The following EYS variants were observed in gnomAD, a reference collection of about 807,000 sequenced individuals.
EYS encodes the protein protein eyes shut homolog.
A neutral mutation model predicts 282.1 loss-of-function variants in EYS; 250 were observed. The observed-to-expected ratio is 0.89, with a 90% CI of 0.80 to 0.98. EYS has a LOEUF of 0.98. Among genes scored for constraint, EYS ranks in the 50% least tolerant of loss-of-function variants. EYS has a pLI of 0.00. For synonymous variants in EYS, 1,355 were observed against 1,282.9 expected (o/e 1.06, Z -1.20); for missense variants, 4,016 against 3,709.0 (o/e 1.08, Z -2.15).
chr6:64,511,286 T>C (rs1307685030), intron 26 of EYS, among the ~76,000 whole-genome samples: 2 of 148,836 alleles, frequency 1.3e-5, no homozygotes, highest in Non-Finnish European at 3.0e-5. Flanking sequence ...ATATGATATA[T>C]ATGTTTATAT....
chr6:64,038,963 T>C (rs1770257584), intron 33 of EYS, among the ~76,000 whole-genome samples: 1 of 152,066 alleles, frequency 6.6e-6, no homozygotes, highest in Non-Finnish European at 1.5e-5. Context: ...TACAACCGTG[T>C]ATGGCTAATT....
intron 14 of EYS, among the ~76,000 whole-genome samples, chr6:64,958,366 A>G (rs1321132639): frequency 1.3e-5 from 2 of 152,050 alleles, no homozygotes; most frequent in Non-Finnish European, 2.9e-5. Flanking sequence ...TGGGTGACAG[A>G]GTGAGACTCC....
In EYS at chr6:64,224,785, C is replaced by A. The variant is rs151203020; in HGVS notation, c.6424+5807G>T. Among the ~76,000 whole-genome samples the A allele has an allele frequency of 5.1e-3, 775 of 151,366 alleles. 8 individuals are homozygous for A. Among genetic ancestry groups the A allele is most frequent in the African/African-American group, 0.018 (742 of 41,324 alleles). On this transcript the variant is annotated intron_variant, in intron 31 of 42. Coordinates refer to ENST00000503581, the MANE Select transcript of EYS (RefSeq NM_001142800.2). ...ATAAATGGACATAAAAGACAGAAATCCAGGGAGAAAAAAAATGTGCACACA... is the reference window on the plus strand; with the variant it reads ...ATAAATGGACATAAAAGACAGAAATACAGGGAGAAAAAAAATGTGCACACA...
At chr6:65,586,742 A>T (rs1033235023) in intron 2 of EYS, among the ~76,000 whole-genome samples, 5 of 152,110 alleles carry the variant, frequency 3.3e-5, no homozygotes, top group Non-Finnish European at 7.4e-5. Flanking sequence ...TAAAGTAAAA[A>T]ATAAACCCAT....
intron 26 of EYS, among the ~76,000 whole-genome samples, chr6:64,554,855 C>G (rs193009899): frequency 1.4e-4 from 22 of 151,926 alleles, no homozygotes; most frequent in Admixed American, 3.3e-4. Flanking sequence ...TGGCTACTAT[C>G]AAAAAGACAA....
At chr6:64,485,541 G>A (rs953175134) in intron 26 of EYS, among the ~76,000 whole-genome samples, 1 of 151,530 alleles carries the variant, frequency 6.6e-6, no homozygotes, top group East Asian at 1.9e-4. Context: ...ACTGTTCAGT[G>A]TGTCTTTTCC....
chr6:65,580,810 C>T (rs1224122886), intron 2 of EYS, among the ~76,000 whole-genome samples: 1 of 151,972 alleles, frequency 6.6e-6, no homozygotes, highest in South Asian at 2.1e-4. Flanking sequence ...ATGTTAAATA[C>T]TTCATCCTAA....
intron 2 of EYS, among the ~76,000 whole-genome samples, chr6:65,506,505 G>T (rs1766665195): frequency 3.9e-5 from 3 of 76,102 alleles, no homozygotes; most frequent in African/African-American, 9.7e-5. Context: ...TTTTTTGGCA[G>T]AGTCTTGCTG....
intron 34 of EYS, among the ~76,000 whole-genome samples, chr6:63,984,956 C>T (rs1004123478): frequency 2.0e-5 from 3 of 151,518 alleles, no homozygotes; most frequent in Non-Finnish European, 4.4e-5. Context: ...AAAATAAAGC[C>T]ATGTTAACTA....
At chr6:64,441,706 G>A (rs1582756779) in intron 26 of EYS, among the ~76,000 whole-genome samples, 1 of 152,174 alleles carries the variant, frequency 6.6e-6, no homozygotes, top group South Asian at 2.1e-4. Flanking sequence ...ATAGTGAATG[G>A]GTCTCATGAG....
intron 22 of EYS, among the ~76,000 whole-genome samples, chr6:64,713,746 G>A (rs1203377170): frequency 6.6e-6 from 1 of 152,130 alleles, no homozygotes; most frequent in Non-Finnish European, 1.5e-5. Context: ...TGAGACCTAT[G>A]TAACAGCCAC....
chr6:63,763,686 T>C (rs905932124), intron 40 of EYS, among the ~76,000 whole-genome samples: 3 of 151,756 alleles, frequency 2.0e-5, no homozygotes, highest in African/African-American at 7.3e-5. Context: ...CCTTCCACCA[T>C]GATGTAAGTT....
At chr6:64,091,697 CAATT>C (rs1251032424) in intron 31 of EYS, among the ~76,000 whole-genome samples, 2 of 151,922 alleles carry the variant, frequency 1.3e-5, no homozygotes, top group African/African-American at 2.4e-5. Context: ...AACTAGGTGC[CAATT>C]AATTAATTCT....
intron 12 of EYS, among the ~76,000 whole-genome samples, chr6:65,277,513 G>A (rs1768082421): frequency 6.6e-6 from 1 of 151,404 alleles, no homozygotes; most frequent in African/African-American, 2.4e-5. Flanking sequence ...GATACAAGGA[G>A]TCAGCAGTCT....
intron 5 of EYS, among the ~76,000 whole-genome samples, chr6:65,456,511 T>C (rs560926253): frequency 6.6e-6 from 1 of 152,114 alleles, no homozygotes; most frequent in Admixed American, 6.6e-5. Flanking sequence ...TAAGATTCAT[T>C]ACCACTGTTC....
intron 26 of EYS, among the ~76,000 whole-genome samples, chr6:64,566,847 C>T (rs143949435): frequency 9.9e-4 from 150 of 152,204 alleles, no homozygotes; most frequent in Non-Finnish European, 1.6e-3. Context: ...GATTTTGGCT[C>T]GCTGAAACCT....
intron 29 of EYS, among the ~76,000 whole-genome samples, chr6:64,358,677 A>T (rs1771911794): frequency 6.6e-6 from 1 of 151,668 alleles, no homozygotes; most frequent in Non-Finnish European, 1.5e-5. Context: ...GCGTATGGCA[A>T]ATATACATGC....
intron 39 of EYS, chr6:63,778,391 T>A: frequency 1.8e-6 from 1 of 554,296 alleles, no homozygotes; most frequent in Non-Finnish European, 3.2e-6. Flanking sequence ...ACTATTAACA[T>A]TTTGGTGTGT....
At chr6:64,101,627 A>T (rs774224365) in intron 31 of EYS, among the ~76,000 whole-genome samples, 1 of 151,670 alleles carries the variant, frequency 6.6e-6, no homozygotes, top group Non-Finnish European at 1.5e-5. Context: ...ATGTAGAGTA[A>T]TAGTCTAATA....
Sources: gnomAD v4.1 joint callset for allele counts (sites outside exome capture counted in the v4.1 genomes callset) on GRCh38, gnomAD v4.1.1 for gene constraint, MANE v1.5 for transcripts, NCBI Gene and HGNC (gene_info 2026-07-23, HGNC 2026-07-21) for gene names.